The following BMPR1B variants were observed in gnomAD, a reference collection of about 807,000 sequenced individuals.
BMPR1B encodes the protein bone morphogenetic protein receptor type 1B.
In BMPR1B, 12 loss-of-function variants were observed where a neutral mutation model predicts 59.1. The ratio of observed to expected loss-of-function variants is 0.20; its 90% confidence interval spans 0.13 to 0.33. The LOEUF (loss-of-function observed/expected upper bound fraction) is 0.33. Ranked by LOEUF, BMPR1B falls within the 10% of genes least tolerant of loss-of-function variation. The probability of loss-of-function intolerance (pLI) is 1.00; values close to 1 mark genes in which losing one functional copy is unlikely to be tolerated. For synonymous variants in BMPR1B, 237 were observed against 207.3 expected (o/e 1.14, Z -1.23); for missense variants, 550 against 610.9 (o/e 0.90, Z 1.05).
intron 1 of BMPR1B, among the ~76,000 whole-genome samples, chr4:94,831,882 A>G (rs1724608832): frequency 6.6e-6 from 1 of 152,156 alleles, no homozygotes; most frequent in South Asian, 2.1e-4. Flanking sequence ...TGTGAACAGC[A>G]CATATGAGGG....
intron 2 of BMPR1B, among the ~76,000 whole-genome samples, chr4:94,895,176 T>C (rs890218618): frequency 6.6e-6 from 1 of 151,996 alleles, no homozygotes; most frequent in Non-Finnish European, 1.5e-5. Context: ...AGTCCAAAGT[T>C]GAAAATGTGT....
intron 1 of BMPR1B, among the ~76,000 whole-genome samples, chr4:94,861,517 C>T (rs1725976469): frequency 6.6e-6 from 1 of 152,012 alleles, no homozygotes; most frequent in African/African-American, 2.4e-5. Flanking sequence ...AGACCCTGTG[C>T]TCAGCTACCT....
intron 1 of BMPR1B, among the ~76,000 whole-genome samples, chr4:94,874,385 T>C (rs1000748575): frequency 6.6e-6 from 1 of 152,178 alleles, no homozygotes; most frequent in Admixed American, 6.5e-5. Context: ...TATAGTCTTA[T>C]TTTTGACCTT....
chr4:95,073,496 A>G (rs1403655767), intron 3 of BMPR1B, among the ~76,000 whole-genome samples: 1 of 152,184 alleles, frequency 6.6e-6, no homozygotes, highest in African/African-American at 2.4e-5. Flanking sequence ...ATTTCCTCCC[A>G]ACATCATAAC....
chr4:95,011,130 G>T (rs1723196916), intron 3 of BMPR1B, among the ~76,000 whole-genome samples: 5 of 151,444 alleles, frequency 3.3e-5, no homozygotes. Context: ...GTGAAGGCTG[G>T]TTACGTAGGT....
rs561632368 is a variant in BMPR1B, at chr4:95,033,865, A to G, written c.-18+37731A>G. 2.0e-5 allele frequency among the ~76,000 whole-genome samples: 3 copies of G among 152,292 alleles called. No homozygotes were observed. The East Asian group carries it at 5.8e-4, about 29-fold the overall frequency. Reference sequence around the variant, plus strand: ...CAGTCACTCCCTCCCACCCCTGGAAATGTAACATATAGTGAGGAAGATGGC... The same window carrying G: ...CAGTCACTCCCTCCCACCCCTGGAAGTGTAACATATAGTGAGGAAGATGGC... On this transcript the variant is annotated intron_variant, in intron 3 of 12. Transcript: ENST00000515059.
Position 95,057,617 on chromosome 4 carries a change from G to A in BMPR1B, c.-17-46791G>A, listed in dbSNP as rs79061551. ...CCATGTTAAAGGTTTTTGATTGCCA[G>A]TGTAATCCAAACCCTTTTCTAGAAA... On this transcript the variant is annotated intron_variant, in intron 3 of 12. Transcript: ENST00000515059. Among the ~76,000 whole-genome samples the A allele has an allele frequency of 5.9e-3, 904 of 152,132 alleles. 47 individuals carry two copies. In the East Asian group the frequency reaches 0.12, roughly 20 times the overall value.
intron 1 of BMPR1B, among the ~76,000 whole-genome samples, chr4:94,768,761 C>A (rs1171787198): frequency 1.3e-5 from 2 of 152,028 alleles, no homozygotes; most frequent in African/African-American, 2.4e-5. Flanking sequence ...AGATACATTT[C>A]TATTTTGTTA....
At chr4:94,812,484 T>C (rs961996996) in intron 1 of BMPR1B, among the ~76,000 whole-genome samples, 2 of 152,228 alleles carry the variant, frequency 1.3e-5, no homozygotes, top group African/African-American at 4.8e-5. Context: ...GATGTGCACC[T>C]GTCCCAGTTG....
At chr4:95,060,577 G>A (rs931219569) in intron 3 of BMPR1B, among the ~76,000 whole-genome samples, 17 of 152,064 alleles carry the variant, frequency 1.1e-4, no homozygotes, top group African/African-American at 2.2e-4. Flanking sequence ...CAAATTTCCC[G>A]TCTCTTCCTC....
intron 3 of BMPR1B, among the ~76,000 whole-genome samples, chr4:95,000,243 A>G (rs1361621919): frequency 1.5e-4 from 2 of 12,942 alleles, no homozygotes; most frequent in African/African-American, 3.6e-4. Context: ...TTAACCTTGA[A>G]TTGTATCTCT....
intron 2 of BMPR1B, among the ~76,000 whole-genome samples, chr4:94,953,633 C>T (rs528812686): frequency 2.6e-5 from 4 of 152,304 alleles, no homozygotes; most frequent in African/African-American, 7.2e-5. Context: ...CCGCTGTTAG[C>T]GTGATGCGCT....
intron 2 of BMPR1B, among the ~76,000 whole-genome samples, chr4:94,943,409 C>A (rs999062911): frequency 3.9e-5 from 6 of 152,272 alleles, no homozygotes; most frequent in Non-Finnish European, 7.4e-5. Flanking sequence ...CAGGCGTGAG[C>A]CACCGTGTCT....
chr4:94,778,080 C>T (rs1294890386), intron 1 of BMPR1B, among the ~76,000 whole-genome samples: 2 of 151,798 alleles, frequency 1.3e-5, no homozygotes, highest in Non-Finnish European at 2.9e-5. Context: ...AATAATTCTT[C>T]TCTTAAAGGA....
chr4:94,848,864 A>G (rs1283910408), intron 1 of BMPR1B, among the ~76,000 whole-genome samples: 1 of 152,210 alleles, frequency 6.6e-6, no homozygotes, highest in African/African-American at 2.4e-5. Context: ...TAGATAAATG[A>G]GAGGGAGGCA....
intron 3 of BMPR1B, among the ~76,000 whole-genome samples, chr4:95,045,982 C>A (rs1726022077): frequency 6.6e-6 from 1 of 152,096 alleles, no homozygotes; most frequent in Non-Finnish European, 1.5e-5. Flanking sequence ...ATTTAAAATT[C>A]TTCAGTATAC....
chr4:94,839,054 A>G (rs1194868186), intron 1 of BMPR1B, among the ~76,000 whole-genome samples: 2 of 111,810 alleles, frequency 1.8e-5, no homozygotes, highest in African/African-American at 7.3e-5. Context: ...TTCAGTTTCC[A>G]TGTAGTTGAG....
chr4:94,802,980 T>C (rs970253985), intron 1 of BMPR1B, among the ~76,000 whole-genome samples: 3 of 152,142 alleles, frequency 2.0e-5, no homozygotes, highest in African/African-American at 7.2e-5. Context: ...GTGCTCACTG[T>C]TCCTCACCCT....
chr4:94,854,672 G>T (rs899453022), intron 1 of BMPR1B, among the ~76,000 whole-genome samples: 2 of 152,132 alleles, frequency 1.3e-5, no homozygotes, highest in Non-Finnish European at 2.9e-5. Context: ...CAAGAGTCTT[G>T]AGGGACCCAT....
Sources: allele counts gnomAD v4.1 joint callset (sites outside exome capture counted in the v4.1 genomes callset), GRCh38; gene constraint gnomAD v4.1.1; transcripts MANE v1.5; gene names NCBI Gene and HGNC (gene_info 2026-07-23, HGNC 2026-07-21).